Variants in RYR1 observed in about 807,000 individuals in gnomAD.
RYR1 encodes the protein ryanodine receptor 1.
Under a neutral mutation model 583.5 loss-of-function variants are expected in RYR1, and 342 were observed. The ratio of observed to expected loss-of-function variants is 0.59; its 90% CI spans 0.54 to 0.64. The LOEUF (loss-of-function observed/expected upper bound fraction) is 0.64, where lower values mean the gene tolerates loss of function less well. Ranked by LOEUF, RYR1 falls within the 30% of genes least tolerant of loss-of-function variation. The pLI, the probability that RYR1 is intolerant of heterozygous loss-of-function variation, is 0.00. For missense variants in RYR1, 6,032 were observed against 6,917.2 expected, an observed-to-expected ratio of 0.87 and a Z score of 4.54; for synonymous variants, 2,791 against 2,822.5, an observed-to-expected ratio of 0.99 and a Z score of 0.35.
rs1971776871 is a variant in RYR1 at position 38,532,407 on chromosome 19, G to A, written c.11142-83G>A. The A allele has an allele frequency of 4.8e-5, 67 of 1,393,506 alleles. No homozygotes were observed. In the South Asian group the frequency reaches 7.1e-4, roughly 15 times the overall value. 86.3% of individuals were successfully genotyped at this position (1,393,506 alleles called of 1,614,324 possible). On this transcript the variant is annotated intron_variant, in intron 76 of 105. Coordinates refer to ENST00000359596, the MANE Select transcript of RYR1 (RefSeq NM_000540.3). ...CAGAGTGTTGGGATTACAGGCATGAGCCACCGCACCCTGCCCAGAAGCTCT... is the reference window on the plus strand; with the variant it reads ...CAGAGTGTTGGGATTACAGGCATGAACCACCGCACCCTGCCCAGAAGCTCT...
At chr19:38,469,726 AG>A (rs1289113045) in intron 27 of RYR1, among the ~76,000 whole-genome samples, 3 of 152,066 alleles carry the variant, frequency 2.0e-5, no homozygotes, top group Admixed American at 6.6e-5. Context: ...CTATAAAATA[AG>A]GGAAACCCTG....
In RYR1 at chr19:38,512,553, G is replaced by A; in HGVS notation, c.9472+70G>A. ...GCCAACACCACCCATCCGGGTGCCTGTGAGAGTCCCTGGGTGTTTGAATGT... is the reference window on the plus strand; with the variant it reads ...GCCAACACCACCCATCCGGGTGCCTATGAGAGTCCCTGGGTGTTTGAATGT... On this transcript the variant is annotated intron_variant, in intron 63 of 105. Coordinates refer to ENST00000359596, the MANE Select transcript of RYR1 (RefSeq NM_000540.3). This position sits in a 1 kb window ranked among gnomAD's most constrained non-coding sequence, Gnocchi z 5.1. 7.1e-7 allele frequency: 1 copy of A among 1,407,052 alleles called. No homozygotes were observed. The highest frequency in any genetic ancestry group is 1.1e-5 in the South Asian group (1 of 87,044). The allele number at this position is 1,407,052 out of a possible 1,614,324, so 87.2% of individuals were successfully genotyped here.
At chr19:38,552,282 G>A (rs1446348802) in intron 89 of RYR1, among the ~76,000 whole-genome samples, 1 of 150,360 alleles carries the variant, frequency 6.7e-6, no homozygotes, top group Non-Finnish European at 1.5e-5. Flanking sequence ...AGATGGAGGA[G>A]TCTCACTCTG....
rs370965955 is a variant in RYR1 at position 38,466,298 on chromosome 19, G to T, written c.3078G>T (p.Leu1026=). 3.7e-6 allele frequency: 6 copies of T among 1,611,616 alleles called. No homozygotes were observed. In the African/African-American group the frequency reaches 8.0e-5, roughly 22 times the overall value. The change falls in exon 24 of 106, where the codon CTG becomes CTT. Residue 1026 remains leucine (L), a synonymous_variant. Coordinates refer to ENST00000359596, the MANE Select transcript of RYR1 (RefSeq NM_000540.3). ...CTCGGCTGGTGCCCTACCGCCTGCT[G>T]GATGAAGCCACCAAGCGCAGCAACC... ...RNPRLVPYRL[L]DEATKRSNRD...
In RYR1 at chr19:38,475,299, C is replaced by T. The variant is rs780285943; in HGVS notation, c.4161-19C>T. On this transcript the variant is annotated intron_variant, in intron 28 of 105. Coordinates refer to ENST00000359596, the MANE Select transcript of RYR1 (RefSeq NM_000540.3). ...GGCTTGAAAGCTGGCTCTCATGGCG[C>T]CTCTCCTCCCACTACCAGCTTCTTA... The T allele has an allele frequency of 6.4e-7, 1 of 1,556,560 alleles. No individual in the cohort carries two copies. Among genetic ancestry groups the T allele is most frequent in the South Asian group, 1.2e-5 (1 of 85,098 alleles).
At chr19:38,464,146 G>A (rs1967952769) in intron 22 of RYR1, among the ~76,000 whole-genome samples, 2 of 151,830 alleles carry the variant, frequency 1.3e-5, no homozygotes, top group South Asian at 2.1e-4. Context: ...GCGTGGTGGT[G>A]CACCTCTGTA....
intron 47 of RYR1, among the ~76,000 whole-genome samples, chr19:38,502,278 G>A (rs1970157408): frequency 6.6e-6 from 1 of 151,842 alleles, no homozygotes; most frequent in African/African-American, 2.4e-5. Context: ...TCATCGACCA[G>A]TTGTGTGTGT....
In RYR1 at chr19:38,543,541, A is replaced by T; in HGVS notation, c.11788A>T (p.Ser3930Cys). 1 of 1,614,074 alleles carries T rather than the reference A, an allele frequency of 6.2e-7. No individual in the cohort carries two copies. Among genetic ancestry groups the T allele is most frequent in the Non-Finnish European group, 8.5e-7 (1 of 1,179,994 alleles). The change falls in exon 86 of 106, where the codon AGC becomes TGC. Residue 3930 changes from serine (S) to cysteine (C), a missense_variant. By Grantham distance (112) the Ser-to-Cys change is moderately radical. This residue lies in a region of RYR1 where 1,493 missense variants were observed against 1,715.5 expected (regional missense o/e 0.87). Transcript: ENST00000359596. The surrounding 1 kb of genome is among the most constrained non-coding windows in gnomAD (Gnocchi z 4.4). ...DYLLRLQESI[S>C]DFYWYYSGKD... The stretch of plus-strand genomic sequence containing the variant: ...TACCCGCCCCCACCAGGAATCCATC[A>T]GCGACTTCTACTGGTACTACTCGGG...
intron 92 of RYR1, 24 bp downstream of exon 92, chr19:38,567,011 G>A: frequency 6.4e-7 from 1 of 1,567,128 alleles, no homozygotes; most frequent in Non-Finnish European, 8.7e-7. Context: ...GGGCTGAGGG[G>A]CCTAGCCCCT....
At chr19:38,578,391 AT>A (rs913617759) in intron 99 of RYR1, among the ~76,000 whole-genome samples, 187 bp downstream of exon 99, 60 of 151,584 alleles carry the variant, frequency 4.0e-4, no homozygotes, top group Non-Finnish European at 6.6e-4. Context: ...TATTATTACT[AT>A]TTTTTTTTAA....
intron 47 of RYR1, 41 bp from the exon 48 acceptor site, chr19:38,502,465 AG>A: frequency 6.4e-7 from 1 of 1,559,172 alleles, no homozygotes. Context: ...GAGCAGCCCC[AG>A]GGGTGTGCAG....
Position 38,466,135 on chromosome 19 carries a change from G to A in RYR1, c.2915G>A (p.Ser972Asn), listed in dbSNP as rs1228001145. 8.7e-6 allele frequency: 14 copies of A among 1,613,204 alleles called. No homozygotes were observed. Among genetic ancestry groups the A allele is most frequent in the Non-Finnish European group, 1.2e-5 (14 of 1,179,790 alleles). The change falls in exon 24 of 106, where the codon AGC (serine) becomes AAC (asparagine). Residue 972 changes from serine (S) to asparagine (N), a missense_variant. By Grantham distance (46) the Ser-to-Asn change is conservative. This residue lies in a region of RYR1 where 2,627 missense variants were observed against 2,961.3 expected (regional missense o/e 0.89). Transcript: ENST00000359596. ...TACAAGCCGGCTCCGCTGGACCTGA[G>A]CCACGTGCGGCTGACGCCGGCGCAG... ...NGYKPAPLDLSHVRLTPAQTT... is the reference protein window; with the variant it reads ...NGYKPAPLDLNHVRLTPAQTT...
At position 38,543,995 on chromosome 19, in the gene RYR1, T is replaced by G; in HGVS notation, c.12012+120T>G. The G allele has an allele frequency of 7.0e-6, 7 of 994,876 alleles. No individual in the cohort carries two copies. Among genetic ancestry groups the G allele is most frequent in the Admixed American group, 2.0e-5 (1 of 50,082 alleles). 61.6% of individuals were successfully genotyped at this position (994,876 alleles called of 1,614,324 possible). On this transcript the variant is annotated intron_variant, in intron 87 of 105. Coordinates refer to ENST00000359596, the MANE Select transcript of RYR1 (RefSeq NM_000540.3). This position sits in a 1 kb window ranked among gnomAD's most constrained non-coding sequence, Gnocchi z 4.4. ...GTGCTCCCGGCATGTTCCAGACTGG[T>G]TCCCTCTCAGTGGCCAAATCCATCC...
At chr19:38,570,900 G>C (rs2145865958) in intron 94 of RYR1, among the ~76,000 whole-genome samples, 1 of 152,370 alleles carries the variant, frequency 6.6e-6, no homozygotes, top group East Asian at 1.9e-4. Context: ...ATCTGGGACA[G>C]AAGCCTGAGT....
chr19:38,500,831 G>A lies in RYR1; in HGVS notation c.7455G>A (p.Leu2485=), dbSNP rs1568502869. The A allele has an allele frequency of 6.2e-7, 1 of 1,613,840 alleles. No individual in the cohort carries two copies. Among genetic ancestry groups the A allele is most frequent in the Admixed American group, 1.7e-5 (1 of 60,014 alleles). The change falls in exon 47 of 106, where the codon CTG becomes CTA. Residue 2485 remains leucine (L), a synonymous_variant. Transcript: ENST00000359596. This position sits in a 1 kb window ranked among gnomAD's most constrained non-coding sequence, Gnocchi z 5.9. ...CCTCCCTGCCTGCAGATGGGGCTCT[G>A]GTGCAGCCAAAGATGTCAGCATCCT... The part of the protein sequence containing the change: ...QIPTLGKDGA[L]VQPKMSASFV...
intron 72 of RYR1, among the ~76,000 whole-genome samples, chr19:38,527,261 A>C (rs914802788): frequency 1.3e-5 from 2 of 152,238 alleles, no homozygotes; most frequent in Admixed American, 1.3e-4. Flanking sequence ...CTGTAATCCC[A>C]ACACTTTGGA....
In RYR1 at chr19:38,565,028, C is replaced by T. The variant is rs2145843251; in HGVS notation, c.12694C>T (p.Leu4232Phe). 5.7e-6 allele frequency: 9 copies of T among 1,586,980 alleles called. No homozygotes were observed. The highest frequency in any genetic ancestry group is 7.7e-6 in the Non-Finnish European group (9 of 1,167,380). Residue 4232 changes from leucine to phenylalanine, a missense_variant, in exon 91 of 106, where the codon CTC becomes TTC. Coordinates refer to ENST00000359596, the MANE Select transcript of RYR1 (RefSeq NM_000540.3). The surrounding 1 kb of genome is among the most constrained non-coding windows in gnomAD (Gnocchi z 4.7). ...GGGCGGCGAGGCTGAGAAGATGGAG[C>T]TCTTCGTGAGTTTCTGCGAGGACAC... ...NEGGEAEKME[L>F]FVSFCEDTIF...
intron 20 of RYR1, among the ~76,000 whole-genome samples, chr19:38,461,405 G>C (rs529934312): frequency 1.3e-5 from 2 of 152,224 alleles, no homozygotes; most frequent in East Asian, 3.9e-4. Context: ...AAAGGATTCT[G>C]TCAGAGCAGA....
At chr19:38,587,268 A>G in intron 105 of RYR1, 57 bp from the exon 106 acceptor site, 15 of 1,127,714 alleles carry the variant, frequency 1.3e-5, no homozygotes, top group Non-Finnish European at 1.5e-5. Flanking sequence ...ATATATATAT[A>G]TATGTCTCAA....
Sources: allele counts gnomAD v4.1 joint callset (sites outside exome capture counted in the v4.1 genomes callset), GRCh38; gene constraint gnomAD v4.1.1; regional missense constraint gnomAD v4.1.1; non-coding constraint Gnocchi (gnomAD v3.1); transcripts MANE v1.5; gene names NCBI Gene and HGNC (gene_info 2026-07-23, HGNC 2026-07-21).